Variants in APC observed in about 807,000 individuals in gnomAD.
APC encodes adenomatous polyposis coli protein.
In APC, 72 loss-of-function variants were observed where a neutral mutation model predicts 247.0. The ratio of observed to expected loss-of-function variants is 0.29; its 90% CI spans 0.24 to 0.35. The LOEUF is 0.35. APC is among the 10% of genes least tolerant of loss of function. The pLI, the probability that APC is intolerant of heterozygous loss-of-function variation, is 1.00. For synonymous variants in APC, 1,254 were observed against 1,162.5 expected, an observed-to-expected ratio of 1.08 and a Z score of -1.60; for missense variants, 3,400 against 3,360.7, an observed-to-expected ratio of 1.01 and a Z score of -0.29.
chr5:112,795,024 GTTTTGT>G (rs1407347591), intron 7 of APC, among the ~76,000 whole-genome samples: 1 of 152,020 alleles, frequency 6.6e-6, no homozygotes, highest in African/African-American at 2.4e-5. Context: ...GCACTTCATT[GTTTTGT>G]TTTTGTTTTT....
chr5:112,818,465 T>G (rs1355155623), intron 9 of APC, among the ~76,000 whole-genome samples: 2 of 152,128 alleles, frequency 1.3e-5, no homozygotes, highest in Non-Finnish European at 2.9e-5. Context: ...TATTATCATC[T>G]GACGAGAATT....
chr5:112,824,369 G>T (rs541340799), intron 11 of APC, among the ~76,000 whole-genome samples: 1 of 152,130 alleles, frequency 6.6e-6, no homozygotes, highest in Admixed American at 6.5e-5. Flanking sequence ...TCTATTCTGT[G>T]CCTCAAAATT....
intron 15 of APC, among the ~76,000 whole-genome samples, chr5:112,836,007 G>C (rs1764850034): frequency 8.7e-6 from 1 of 115,322 alleles, no homozygotes; most frequent in Non-Finnish European, 1.7e-5. Context: ...AAATACAACT[G>C]TCTTTTTTTT....
chr5:112,751,609 C>T (rs1190131973), intron 1 of APC, among the ~76,000 whole-genome samples: 20 of 151,810 alleles, frequency 1.3e-4, no homozygotes. Flanking sequence ...TATCTTCTGT[C>T]TGGTTTCTCT....
intron 1 of APC, among the ~76,000 whole-genome samples, chr5:112,709,964 C>A (rs185689428): frequency 7.2e-5 from 11 of 152,144 alleles, no homozygotes; most frequent in Non-Finnish European, 1.3e-4. Context: ...TTTTTCCTTT[C>A]TCTCTCTCTT....
chr5:112,840,702 G>C lies in APC; in HGVS notation c.5108G>C (p.Gly1703Ala), dbSNP rs587778042. ...AGAAGTACAGATGAGGCTCAAGGAGGAAAAACCTCATCTGTAACCATACCT... is the reference window on the plus strand; with the variant it reads ...AGAAGTACAGATGAGGCTCAAGGAGCAAAAACCTCATCTGTAACCATACCT... Reference protein sequence around the residue: ...EGRSTDEAQGGKTSSVTIPEL... With the variant: ...EGRSTDEAQGAKTSSVTIPEL... Residue 1703 changes from glycine to alanine, a missense_variant, in exon 16 of 16, where the codon GGA becomes GCA. Physicochemically the swap from Gly to Ala is moderately conservative, Grantham distance 60 (BLOSUM62 0). Transcript: ENST00000257430. This position sits in a 1 kb window ranked among gnomAD's most constrained non-coding sequence, Gnocchi z 4.1. 7 of 1,613,922 alleles carry C rather than the reference G, an allele frequency of 4.3e-6. No individual in the cohort carries two copies. The Admixed American group carries it at 5.0e-5, about 12-fold the overall frequency.
intron 10 of APC, among the ~76,000 whole-genome samples, chr5:112,820,104 A>G (rs1762967546): frequency 6.6e-6 from 1 of 151,838 alleles, no homozygotes; most frequent in Non-Finnish European, 1.5e-5. Flanking sequence ...TGGGGATATA[A>G]CTTATTTCAT....
At chr5:112,728,582 G>A (rs1366407145) in intron 1 of APC, among the ~76,000 whole-genome samples, 1 of 152,062 alleles carries the variant, frequency 6.6e-6, no homozygotes, top group Non-Finnish European at 1.5e-5. Context: ...AAGTTCTTAC[G>A]CACAGTTTTT....
intron 8 of APC, among the ~76,000 whole-genome samples, chr5:112,815,193 T>C (rs1762370351): frequency 6.6e-6 from 1 of 152,236 alleles, no homozygotes; most frequent in Admixed American, 6.5e-5. Flanking sequence ...CTTATCTGAA[T>C]GTGGTTTTAT....
intron 2 of APC, among the ~76,000 whole-genome samples, chr5:112,762,876 A>G (rs932906680): frequency 2.0e-5 from 3 of 152,230 alleles, no homozygotes; most frequent in Non-Finnish European, 2.9e-5. Context: ...TGGAATAGCC[A>G]TAAACTGTTC....
chr5:112,834,344 C>T (rs1283831273), intron 14 of APC, among the ~76,000 whole-genome samples: 1 of 150,650 alleles, frequency 6.6e-6, no homozygotes, highest in Admixed American at 6.7e-5. Context: ...CAGGTTCAAG[C>T]GATTCTCCCA....
At position 112,707,633 on chromosome 5, in the gene APC, C is replaced by A. The variant is rs1750590870; in HGVS notation, c.-85C>A. On this transcript the variant is annotated 5_prime_UTR_variant, in exon 1 of 14. Coordinates refer to the APC transcript ENST00000507379. ...CCCGGGAGCTGCGGACCGAGGTTGG[C>A]TCGATGCTGTTCCCAGGTACTGTTG... The A allele has an allele frequency of 7.5e-7, 1 of 1,337,274 alleles. No individual in the cohort carries two copies. The highest frequency in any genetic ancestry group is 9.9e-7 in the Non-Finnish European group (1 of 1,010,672). 82.8% of individuals were successfully genotyped at this position (1,337,274 alleles called of 1,614,324 possible).
rs876659640 is a variant in APC, at chr5:112,843,487, C to T, written c.7893C>T (p.Ser2631=). 1.2e-6 allele frequency: 2 copies of T among 1,613,924 alleles called. No individual in the cohort carries two copies. Among genetic ancestry groups the T allele is most frequent in the South Asian group, 1.1e-5 (1 of 91,072 alleles). ...CAAATAGTACTTCTCAGACCGTTTC[C>T]TCAGGTGCTACAAATGGTGCTGAAT... ...SPTNSTSQTV[S]SGATNGAESK... is the part of the protein sequence containing the mutation. The change falls in exon 16 of 16, where the codon TCC becomes TCT. Residue 2631 remains serine (S), a synonymous_variant. Transcript: ENST00000257430. The surrounding 1 kb of genome is among the most constrained non-coding windows in gnomAD (Gnocchi z 4.8).
intron 8 of APC, among the ~76,000 whole-genome samples, chr5:112,802,216 A>G (rs988509889): frequency 6.6e-6 from 1 of 152,098 alleles, no homozygotes; most frequent in Admixed American, 6.6e-5. Flanking sequence ...ATATGCTTCT[A>G]TTAGTTCATT....
At chr5:112,791,676 T>G (rs1262700510) in intron 6 of APC, among the ~76,000 whole-genome samples, 1 of 152,204 alleles carries the variant, frequency 6.6e-6, no homozygotes, top group Non-Finnish European at 1.5e-5. Flanking sequence ...ACCCTGATAT[T>G]TATTAAAACA....
chr5:112,717,355 G>T (rs1343341899), intron 1 of APC, among the ~76,000 whole-genome samples: 1 of 151,794 alleles, frequency 6.6e-6, no homozygotes, highest in Non-Finnish European at 1.5e-5. Flanking sequence ...CCTCATTATT[G>T]TTGTTGTTAC....
chr5:112,749,697 A>G (rs1170020808), intron 1 of APC, among the ~76,000 whole-genome samples: 1 of 151,652 alleles, frequency 6.6e-6, no homozygotes, highest in African/African-American at 2.4e-5. Context: ...CATGTTGGCC[A>G]GATGGTCTCG....
chr5:112,776,829 A>T (rs148432559), intron 5 of APC, among the ~76,000 whole-genome samples: 2 of 152,192 alleles, frequency 1.3e-5, no homozygotes, highest in Middle Eastern at 6.8e-3. Context: ...TGGGTGACAG[A>T]GCAAGACTCC....
At position 112,840,097 on chromosome 5, in the gene APC, T is replaced by C. The variant is rs1765696924; in HGVS notation, c.4503T>C (p.Ser1501=). The change falls in exon 16 of 16, where the codon TCT becomes TCC. Residue 1501 remains serine (S), a synonymous_variant. Transcript: ENST00000257430. The surrounding 1 kb of genome is among the most constrained non-coding windows in gnomAD (Gnocchi z 4.1). The part of the protein sequence containing the change: ...FATESTPDGF[S]CSSSLSALSL... ...CGGAAAGTACTCCAGATGGATTTTC[T>C]TGTTCATCCAGCCTGAGTGCTCTGA... is the stretch of plus-strand genomic sequence containing the variant. 6.2e-7 allele frequency: 1 copy of C among 1,614,158 alleles called. No homozygotes were observed. Among genetic ancestry groups the C allele is most frequent in the Non-Finnish European group, 8.5e-7 (1 of 1,180,012 alleles).
Sources: gnomAD v4.1 joint callset for allele counts (sites outside exome capture counted in the v4.1 genomes callset) on GRCh38, gnomAD v4.1.1 for gene constraint, Gnocchi (gnomAD v3.1) non-coding constraint, MANE v1.5 for transcripts, NCBI Gene and HGNC (gene_info 2026-07-23, HGNC 2026-07-21) for gene names.